Variants in SPOCK3 observed in about 807,000 individuals in gnomAD.
SPOCK3 encodes SPARC (osteonectin), cwcv and kazal like domains proteoglycan 3.
A neutral mutation model predicts 56.6 loss-of-function variants in SPOCK3; 30 were observed. That is an observed-to-expected ratio of 0.53 (90% CI 0.40 to 0.72). The LOEUF (loss-of-function observed/expected upper bound fraction) is 0.72. Among genes scored for constraint, SPOCK3 ranks in the 30% least tolerant of loss-of-function variants. The pLI is 0.00. For synonymous variants in SPOCK3, 196 were observed against 183.3 expected (o/e 1.07, Z -0.56); for missense variants, 527 against 530.0 (o/e 0.99, Z 0.06).
chr4:166,854,423 T>G lies in SPOCK3; in HGVS notation c.589+34707A>C, dbSNP rs191222365. On this transcript the variant is annotated intron_variant, in intron 6 of 10. Coordinates refer to ENST00000357545, the MANE Select transcript of SPOCK3 (RefSeq NM_001040159.2). ...TATGTTTGGTACTGTTTGTTCAGCTTTGTTCACTGAACAGAATAATTAAGA... is the reference window on the plus strand; with the variant it reads ...TATGTTTGGTACTGTTTGTTCAGCTGTGTTCACTGAACAGAATAATTAAGA... Among the ~76,000 whole-genome samples, 361 of 152,308 alleles carry G rather than the reference T, an allele frequency of 2.4e-3. 1 individual carries two copies. The highest frequency in any genetic ancestry group is 4.0e-3 in the Non-Finnish European group (272 of 68,034).
chr4:167,157,695 T>C (rs1037151640), intron 2 of SPOCK3, among the ~76,000 whole-genome samples: 3 of 151,610 alleles, frequency 2.0e-5, no homozygotes, highest in African/African-American at 7.3e-5. Flanking sequence ...ATATTACCAA[T>C]CCAGAGTTCT....
intron 2 of SPOCK3, among the ~76,000 whole-genome samples, chr4:167,097,899 A>G (rs1193839682): frequency 6.6e-6 from 1 of 152,020 alleles, no homozygotes; most frequent in Non-Finnish European, 1.5e-5. Context: ...TTGCAGCAAC[A>G]TGGATGCAGC....
At position 166,937,398 on chromosome 4, in the gene SPOCK3, TTA is replaced by T. The variant is rs1381316740; in HGVS notation, c.351-24657_351-24656del. Among the ~76,000 whole-genome samples the T allele has an allele frequency of 4.7e-5, 7 of 149,200 alleles. 1 individual carries two copies. Among genetic ancestry groups the T allele is most frequent in the Admixed American group, 2.0e-4 (3 of 14,954 alleles). The stretch of plus-strand genomic sequence containing the variant: ...ATATATATACACACACACGTATATA[TTA>T]TATGTTATATATAATTATAATTTAT... On this transcript the variant is annotated intron_variant, in intron 4 of 10. Coordinates refer to ENST00000357545, the MANE Select transcript of SPOCK3 (RefSeq NM_001040159.2).
chr4:166,949,196 G>A (rs1225827403), intron 4 of SPOCK3, among the ~76,000 whole-genome samples: 1 of 152,106 alleles, frequency 6.6e-6, no homozygotes, highest in African/African-American at 2.4e-5. Flanking sequence ...AGCTCCATCA[G>A]CTCCTTTAAG....
intron 2 of SPOCK3, among the ~76,000 whole-genome samples, chr4:167,071,602 G>A (rs1756692320): frequency 6.8e-6 from 1 of 147,718 alleles, no homozygotes; most frequent in Admixed American, 6.7e-5. Flanking sequence ...AGTATTCCAT[G>A]GTGTATATGT....
intron 5 of SPOCK3, among the ~76,000 whole-genome samples, chr4:166,911,171 A>G (rs1737224160): frequency 6.6e-6 from 1 of 152,184 alleles, no homozygotes; most frequent in Non-Finnish European, 1.5e-5. Flanking sequence ...CTCCGCTTCT[A>G]TATACATCTA....
intron 2 of SPOCK3, chr4:167,083,136 T>C: frequency 1.3e-6 from 1 of 762,652 alleles, no homozygotes; most frequent in Admixed American, 1.7e-5. Context: ...AATTACAGCT[T>C]TATGGTTGCC....
chr4:167,077,525 C>G (rs1231502471), intron 2 of SPOCK3, among the ~76,000 whole-genome samples: 1 of 151,848 alleles, frequency 6.6e-6, no homozygotes. Context: ...CTCTATATTA[C>G]ATGTGTTTTA....
At chr4:167,217,614 A>G (rs1343582559) in intron 2 of SPOCK3, among the ~76,000 whole-genome samples, 1 of 152,030 alleles carries the variant, frequency 6.6e-6, no homozygotes, top group African/African-American at 2.4e-5. Flanking sequence ...GTATATGAAA[A>G]TATTTCAAAA....
At chr4:166,768,141 C>T (rs1738385220) in intron 7 of SPOCK3, among the ~76,000 whole-genome samples, 1 of 152,092 alleles carries the variant, frequency 6.6e-6, no homozygotes, top group South Asian at 2.1e-4. Flanking sequence ...ACTCTTTATC[C>T]AATTTGCCAG....
intron 4 of SPOCK3, among the ~76,000 whole-genome samples, chr4:166,953,286 A>T (rs2150041731): frequency 6.6e-6 from 1 of 152,356 alleles, no homozygotes; most frequent in African/African-American, 2.4e-5. Flanking sequence ...ACATGAACAG[A>T]TACTTCTCAA....
At chr4:166,848,056 A>C (rs1748285805) in intron 6 of SPOCK3, among the ~76,000 whole-genome samples, 1 of 152,142 alleles carries the variant, frequency 6.6e-6, no homozygotes, top group African/African-American at 2.4e-5. Context: ...TAAAATTCAG[A>C]ATGTTGGATG....
chr4:167,075,818 T>C (rs1288187519), intron 2 of SPOCK3, among the ~76,000 whole-genome samples: 2 of 151,860 alleles, frequency 1.3e-5, no homozygotes, highest in Non-Finnish European at 2.9e-5. Context: ...ATATTTTACT[T>C]CTATTTTGTA....
At chr4:166,994,069 T>C (rs1343302746) in intron 4 of SPOCK3, among the ~76,000 whole-genome samples, 1 of 152,128 alleles carries the variant, frequency 6.6e-6, no homozygotes, top group Non-Finnish European at 1.5e-5. Context: ...TTAACCATTA[T>C]GCTGAAAAGC....
intron 2 of SPOCK3, among the ~76,000 whole-genome samples, chr4:167,111,148 T>C (rs1431309074): frequency 6.6e-6 from 1 of 152,058 alleles, no homozygotes; most frequent in African/African-American, 2.4e-5. Flanking sequence ...TTTGTATATA[T>C]AGCCTATATG....
intron 6 of SPOCK3, among the ~76,000 whole-genome samples, chr4:166,835,236 T>C (rs2126807957): frequency 6.6e-6 from 1 of 152,292 alleles, no homozygotes; most frequent in Admixed American, 6.5e-5. Context: ...TGAGATTATT[T>C]CTTCCTACAA....
At chr4:167,070,025 C>A (rs1292367597) in intron 2 of SPOCK3, among the ~76,000 whole-genome samples, 2 of 151,958 alleles carry the variant, frequency 1.3e-5, no homozygotes, top group Non-Finnish European at 2.9e-5. Flanking sequence ...CCACTGGTTT[C>A]TATTAAGTCT....
rs575793497 is a variant in SPOCK3 at position 166,975,213 on chromosome 4, C to T, written c.350+25136G>A. On this transcript the variant is annotated intron_variant, in intron 4 of 10. Coordinates refer to ENST00000357545, the MANE Select transcript of SPOCK3 (RefSeq NM_001040159.2). ...TTCTTTTCATTATAAATTATCCAGT[C>T]TCATGTATCCAGATGTATTCAGTTA... Among the ~76,000 whole-genome samples the T allele has an allele frequency of 5.3e-5, 8 of 152,248 alleles. No individual in the cohort carries two copies. The South Asian group carries it at 1.7e-3, about 32-fold the overall frequency.
intron 6 of SPOCK3, among the ~76,000 whole-genome samples, chr4:166,825,227 G>A (rs140037265): frequency 6.6e-4 from 100 of 152,144 alleles, no homozygotes; most frequent in South Asian, 1.7e-3. Context: ...TAATTTTACC[G>A]TAGGTTCCAG....
Sources: allele counts gnomAD v4.1 joint callset (sites outside exome capture counted in the v4.1 genomes callset), GRCh38; gene constraint gnomAD v4.1.1; transcripts MANE v1.5; gene names NCBI Gene and HGNC (gene_info 2026-07-23, HGNC 2026-07-21).